The following LSM14B variants were observed in gnomAD, a reference collection of about 807,000 sequenced individuals.
LSM14B encodes the protein LSM family member 14B.
In LSM14B, 8 loss-of-function variants were observed where a neutral mutation model predicts 42.1. The ratio of observed to expected loss-of-function variants is 0.19; its 90% CI spans 0.11 to 0.34. The LOEUF (loss-of-function observed/expected upper bound fraction) is 0.34. Among genes scored for constraint, LSM14B ranks in the 10% least tolerant of loss-of-function variants. The pLI is 1.00. For missense variants in LSM14B, 396 were observed against 513.1 expected, an observed-to-expected ratio of 0.77 and a Z score of 2.21; for synonymous variants, 219 against 209.7, an observed-to-expected ratio of 1.04 and a Z score of -0.38.
chr20:62,131,018 C>T (rs1037177865), intron 6 of LSM14B, among the ~76,000 whole-genome samples: 3 of 152,132 alleles, frequency 2.0e-5, no homozygotes, highest in African/African-American at 7.2e-5. Context: ...CCACTGCACT[C>T]CAGCCGGGCG....
rs1239979276 is a variant in LSM14B, at chr20:62,133,420, C to T, written c.1117C>T (p.Arg373Cys). ...RGGRGNGTTR[R>C]NPTSHRAGTG... ...AGGCAGGGGCAATGGGACCACCCGT[C>T]GCAACCCCACTTCCCACAGGGCCGG... is the stretch of plus-strand genomic sequence containing the variant. The change falls in exon 8 of 9, where the codon CGC becomes TGC. Residue 373 changes from arginine (R) to cysteine (C), a missense_variant. Physicochemically the swap from Arg to Cys is radical, Grantham distance 180. Coordinates refer to ENST00000279068, the MANE Select transcript of LSM14B (RefSeq NM_144703.3). 4.3e-6 allele frequency: 7 copies of T among 1,613,102 alleles called. No homozygotes were observed. The highest frequency in any genetic ancestry group is 4.5e-5 in the East Asian group (2 of 44,830).
chr20:62,131,628 C>A, intron 7 of LSM14B, 122 bp downstream of exon 7: 4 of 1,273,110 alleles, frequency 3.1e-6, no homozygotes, highest in Admixed American at 4.5e-5. Context: ...TAGGGTCCTG[C>A]TTGCGTTTCT....
rs1379603060 is a variant in LSM14B, at chr20:62,132,019, G to GT, written c.986+514dup. The stretch of plus-strand genomic sequence containing the variant: ...CTAGGGAGTGGGTGGCATCTACAGT[G>GT]TGGGCCTGGCTTGGAAACTTGGGCC... On this transcript the variant is annotated intron_variant, in intron 7 of 8. Coordinates refer to ENST00000279068, the MANE Select transcript of LSM14B (RefSeq NM_144703.3). Among the ~76,000 whole-genome samples the GT allele has an allele frequency of 6.6e-5, 10 of 152,386 alleles. No homozygotes were observed. In the East Asian group the frequency reaches 1.5e-3, roughly 24 times the overall value.
At position 62,130,525 on chromosome 20, in the gene LSM14B, C is replaced by T. The variant is rs898736277; in HGVS notation, c.674-5C>T. ...TTCAGCCAGGGCTGTCCTTTGTCCT[C>T]ACAGGAAACAGGCGAACAAGGAATC... is the stretch of plus-strand genomic sequence containing the variant. On this transcript the variant is annotated splice_region_variant and splice_polypyrimidine_tract_variant and intron_variant, in intron 5 of 8. Coordinates refer to ENST00000279068, the MANE Select transcript of LSM14B (RefSeq NM_144703.3). This position sits in a 1 kb window ranked among gnomAD's most constrained non-coding sequence, Gnocchi z 4.1. The T allele has an allele frequency of 6.8e-6, 11 of 1,613,260 alleles. No homozygotes were observed. The Admixed American group carries it at 1.0e-4, about 15-fold the overall frequency.
Position 62,130,276 on chromosome 20 carries a change from G to C in LSM14B, c.653G>C (p.Arg218Thr). 6.2e-7 allele frequency: 1 copy of C among 1,600,908 alleles called. No individual in the cohort carries two copies. Among genetic ancestry groups the C allele is most frequent in the Non-Finnish European group, 8.5e-7 (1 of 1,173,646 alleles). The change falls in exon 5 of 9, where the codon AGA becomes ACA. Residue 218 changes from arginine (R) to threonine (T), a missense_variant. Arg to Thr is a moderately conservative substitution (Grantham distance 71, BLOSUM62 -1). Around this residue, in one of 3 missense-constraint regions of LSM14B, gnomAD observed 274 missense variants for 335.8 expected, o/e 0.82. Coordinates refer to ENST00000279068, the MANE Select transcript of LSM14B (RefSeq NM_144703.3). This position sits in a 1 kb window ranked among gnomAD's most constrained non-coding sequence, Gnocchi z 4.1. The part of the protein sequence containing the change: ...AQGQVNDENR[R>T]PQRRRSGNRR... Reference sequence around the variant, plus strand: ...GGGCAGGTGAATGACGAGAACAGAAGACCTCAGAGGAGGCGATCAGGTAAC... The same window carrying C: ...GGGCAGGTGAATGACGAGAACAGAACACCTCAGAGGAGGCGATCAGGTAAC...
intron 1 of LSM14B, among the ~76,000 whole-genome samples, chr20:62,123,633 G>A (rs2056486536): frequency 6.6e-6 from 1 of 152,238 alleles, no homozygotes; most frequent in African/African-American, 2.4e-5. Flanking sequence ...GCCTCTCAGA[G>A]AAAAGTGCCC....
chr20:62,124,182 C>T (rs979142535), intron 1 of LSM14B, among the ~76,000 whole-genome samples: 1 of 152,246 alleles, frequency 6.6e-6, no homozygotes, highest in Non-Finnish European at 1.5e-5. Flanking sequence ...GGGCAACACT[C>T]GTCTAGATTC....
chr20:62,132,797 T>C (rs559452643), intron 7 of LSM14B, among the ~76,000 whole-genome samples: 82 of 152,244 alleles, frequency 5.4e-4, no homozygotes, highest in African/African-American at 1.9e-3. Context: ...GGAGATAGTC[T>C]CCCACCAGCA....
At chr20:62,124,896 C>G (rs1372935549) in intron 2 of LSM14B, 116 bp downstream of exon 2, 8 of 790,264 alleles carry the variant, frequency 1.0e-5, no homozygotes, top group Non-Finnish European at 1.4e-5. Context: ...TTTTTTTTTT[C>G]TTTGAGGCAG....
At chr20:62,123,091 C>CCGGCCCCCGCGGTG (rs2056456516) in intron 1 of LSM14B, 1 of 162,692 alleles carries the variant, frequency 6.1e-6, no homozygotes, top group Non-Finnish European at 1.3e-5. Flanking sequence ...AGGGGCGGGC[C>CCGGCCCCCGCGGTG]CGGCCCCCGC....
At chr20:62,133,667 T>TG (rs894796390) in intron 8 of LSM14B, among the ~76,000 whole-genome samples, 192 bp downstream of exon 8, 13 of 152,112 alleles carry the variant, frequency 8.5e-5, no homozygotes, top group African/African-American at 2.9e-4. Context: ...CCTGCATCTG[T>TG]GGGGGTAGGA....
chr20:62,124,759 G>T lies in LSM14B; in HGVS notation c.270G>T (p.Pro90=), dbSNP rs201933120. ...CTCCGAAAGCTCAGCACACACTCCC[G>T]CAGGATCCCGCCATTGTTCAGGTAA... is the stretch of plus-strand genomic sequence containing the variant. ...CEPPKAQHTL[P]QDPAIVQSSL... Residue 90 remains proline, a synonymous_variant, in exon 2 of 9, where the codon CCG becomes CCT. Coordinates refer to ENST00000279068, the MANE Select transcript of LSM14B (RefSeq NM_144703.3). 2 of 1,612,806 alleles carry T rather than the reference G, an allele frequency of 1.2e-6. No individual in the cohort carries two copies. Among genetic ancestry groups the T allele is most frequent in the East Asian group, 2.2e-5 (1 of 44,872 alleles).
In LSM14B at chr20:62,130,797, A is replaced by G; in HGVS notation, c.835+106A>G. 1 of 1,188,438 alleles carries G rather than the reference A, an allele frequency of 8.4e-7. No homozygotes were observed. Among genetic ancestry groups the G allele is most frequent in the Non-Finnish European group, 1.2e-6 (1 of 861,418 alleles). The allele number at this position is 1,188,438 out of a possible 1,614,324, so 73.6% of individuals were successfully genotyped here. ...GGTGGTTCACGCCTGTAATCTCAGC[A>G]CTTTGGGAGGCTGAGGTGGGTGGAT... On this transcript the variant is annotated intron_variant, in intron 6 of 8. Coordinates refer to ENST00000279068, the MANE Select transcript of LSM14B (RefSeq NM_144703.3). The surrounding 1 kb of genome is among the most constrained non-coding windows in gnomAD (Gnocchi z 4.1).
chr20:62,126,250 G>A (rs771368178), intron 2 of LSM14B, 54 bp from the exon 3 acceptor site: 9 of 1,612,758 alleles, frequency 5.6e-6, no homozygotes, highest in East Asian at 4.5e-5. Context: ...TGATGAAGGC[G>A]TGCGGGGTGA....
intron 1 of LSM14B, chr20:62,123,021 T>G: frequency 8.5e-6 from 2 of 235,198 alleles, no homozygotes; most frequent in South Asian, 1.6e-4. Flanking sequence ...GGCCGCACAA[T>G]GGTCTCCCTG....
At chr20:62,127,521 G>C (rs552777406) in intron 3 of LSM14B, 6 of 1,160,106 alleles carry the variant, frequency 5.2e-6, no homozygotes, top group Non-Finnish European at 6.3e-6. Context: ...CTAGACACAA[G>C]ACAAGTGTAT....
chr20:62,127,951 A>G (rs1049103416), intron 3 of LSM14B: 7 of 645,928 alleles, frequency 1.1e-5, no homozygotes, highest in South Asian at 3.5e-5. Flanking sequence ...GACCTGTACC[A>G]TGACTACCAC....
At chr20:62,124,495 G>A (rs2056526038) in intron 1 of LSM14B, 122 bp from the exon 2 acceptor site, 1 of 957,964 alleles carries the variant, frequency 1.0e-6, no homozygotes. Flanking sequence ...TGTGGACCTG[G>A]GGTGCTGTGT....
In LSM14B at chr20:62,129,930, G is replaced by A. The variant is rs2056716542; in HGVS notation, c.573G>A (p.Gln191=). The part of the protein sequence containing the change: ...TGTQLNGRQA[Q]PSSKTASDVV... ...CGCAGCTCAACGGTCGTCAGGCCCA[G>A]CCGAGCAGCAAGACGGCCAGCGGTA... The change falls in exon 4 of 9, where the codon CAG becomes CAA. Residue 191 remains glutamine, a synonymous_variant. Transcript: ENST00000279068. 2 of 1,612,976 alleles carry A rather than the reference G, an allele frequency of 1.2e-6. No individual in the cohort carries two copies. Among genetic ancestry groups the A allele is most frequent in the Admixed American group, 1.7e-5 (1 of 59,830 alleles).
Sources: allele counts gnomAD v4.1 joint callset (sites outside exome capture counted in the v4.1 genomes callset), GRCh38; gene constraint gnomAD v4.1.1; regional missense constraint gnomAD v4.1.1; non-coding constraint Gnocchi (gnomAD v3.1); transcripts MANE v1.5; gene names NCBI Gene and HGNC (gene_info 2026-07-23, HGNC 2026-07-21).